Variants in NIN observed in about 807,000 individuals in gnomAD.
NIN encodes glycogen synthase kinase 3 beta-interacting protein.
In NIN, 137 loss-of-function variants were observed where a neutral mutation model predicts 257.6. That is an observed-to-expected ratio of 0.53 (90% CI 0.46 to 0.61). The LOEUF is 0.61. Ranked by LOEUF, NIN falls within the 20% of genes least tolerant of loss-of-function variation. The probability of loss-of-function intolerance (pLI) is 0.00; values close to 1 mark genes in which losing one functional copy is unlikely to be tolerated. For missense variants in NIN, 2,439 were observed against 2,501.2 expected (o/e 0.98, Z 0.53); for synonymous variants, 918 against 919.8 (o/e 1.00, Z 0.04).
chr14:50,744,520 C>G (rs2041449066), intron 22 of NIN, among the ~76,000 whole-genome samples, 155 bp from the exon 23 acceptor site: 1 of 152,224 alleles, frequency 6.6e-6, no homozygotes, highest in South Asian at 2.1e-4. Context: ...TAATAAACTT[C>G]AAGGATTCCC....
At chr14:50,759,181 T>C (rs1566815027) in intron 17 of NIN, among the ~76,000 whole-genome samples, 1 of 152,228 alleles carries the variant, frequency 6.6e-6, no homozygotes, top group Non-Finnish European at 1.5e-5. Flanking sequence ...TTCTTAACTC[T>C]GGGAGGAAAT....
intron 23 of NIN, 53 bp downstream of exon 23, chr14:50,744,190 C>T (rs2041426900): frequency 1.9e-6 from 3 of 1,593,010 alleles, no homozygotes; most frequent in South Asian, 2.2e-5. Context: ...GAGAAAGGTT[C>T]ATTATGGTGT....
intron 14 of NIN, among the ~76,000 whole-genome samples, chr14:50,765,063 T>TA (rs781699626): frequency 0.026 from 2,115 of 82,038 alleles, 68 homozygotes; most frequent in African/African-American, 0.04. Flanking sequence ...TGTCTCTACT[T>TA]AAAAAAAAAA....
At chr14:50,754,695 TTA>T (rs771703310) in intron 19 of NIN, 45 bp downstream of exon 19, 2 of 1,582,044 alleles carry the variant, frequency 1.3e-6, no homozygotes, top group Non-Finnish European at 8.6e-7. Flanking sequence ...TAAAAGAATT[TTA>T]GTCTTTGCAA....
chr14:50,770,537 G>A lies in NIN; in HGVS notation c.1285C>T (p.Arg429Ter), dbSNP rs1566829394. ...LRKLDEEYKE[R>*]IAALKNELRK... ...AGTTCATTTTTTAAGGCTGCTATTC[G>A]CTCCTTGTACTCTTCATCCAGTTTC... The change falls in exon 12 of 31, where the codon CGA (arginine) becomes TGA (stop). Residue 429 changes from arginine (R) to a stop codon, truncating the protein, a stop_gained. Transcript: ENST00000530997. LOFTEE classifies it high-confidence loss of function. 1 of 1,614,056 alleles carries A rather than the reference G, an allele frequency of 6.2e-7. No homozygotes were observed. The highest frequency in any genetic ancestry group is 1.1e-5 in the South Asian group (1 of 91,068).
At chr14:50,733,022 C>G (rs3015484) in intron 28 of NIN, among the ~76,000 whole-genome samples, 83,895 of 151,898 alleles carry the variant, frequency 0.55, 23,826 homozygotes, top group African/African-American at 0.68. Flanking sequence ...GAGCTGTGAT[C>G]ACAACACTGA....
At chr14:50,826,406 T>C (rs2045460017) in intron 2 of NIN, among the ~76,000 whole-genome samples, 2 of 152,174 alleles carry the variant, frequency 1.3e-5, no homozygotes, top group Non-Finnish European at 2.9e-5. Flanking sequence ...AATCAAAACA[T>C]TTACCACTCA....
chr14:50,759,517 G>A (rs1412868660), intron 17 of NIN, among the ~76,000 whole-genome samples: 10 of 149,710 alleles, frequency 6.7e-5, no homozygotes, highest in Non-Finnish European at 1.3e-4. Context: ...TTTTTGAGAC[G>A]GAGTCTCGCT....
intron 27 of NIN, among the ~76,000 whole-genome samples, chr14:50,737,237 A>C (rs2041024951): frequency 6.6e-6 from 1 of 152,162 alleles, no homozygotes; most frequent in Non-Finnish European, 1.5e-5. Flanking sequence ...CTACACCCTG[A>C]GAAAAGGCCC....
At chr14:50,761,414 G>A (rs964716463) in intron 16 of NIN, among the ~76,000 whole-genome samples, 3 of 152,112 alleles carry the variant, frequency 2.0e-5, no homozygotes, top group Non-Finnish European at 2.9e-5. Flanking sequence ...AGTCTGGACT[G>A]GAAACGTCAG....
chr14:50,726,205 G>A (rs942216443), intron 29 of NIN, 139 bp from the exon 30 acceptor site: 10 of 660,108 alleles, frequency 1.5e-5, no homozygotes, highest in Admixed American at 2.8e-5. Context: ...CATGAAATGA[G>A]AGTTTTGAGC....
chr14:50,825,535 C>G (rs1024849797), intron 2 of NIN, among the ~76,000 whole-genome samples: 3 of 152,210 alleles, frequency 2.0e-5, no homozygotes, highest in African/African-American at 7.2e-5. Context: ...AGTGGATCTT[C>G]TCATTTTCCC....
At chr14:50,727,569 T>G in intron 29 of NIN, 1 of 1,334,994 alleles carries the variant, frequency 7.5e-7, no homozygotes, top group Admixed American at 2.6e-5. Flanking sequence ...TAAAATAATT[T>G]AAAAGAGCAC....
chr14:50,750,627 C>CT (rs2041746957), intron 21 of NIN, among the ~76,000 whole-genome samples: 2 of 152,172 alleles, frequency 1.3e-5, no homozygotes, highest in Non-Finnish European at 1.5e-5. Flanking sequence ...TTCTGAATTA[C>CT]TTAAGAGAAT....
intron 4 of NIN, among the ~76,000 whole-genome samples, chr14:50,796,164 C>G (rs1435805994): frequency 6.6e-6 from 1 of 152,112 alleles, no homozygotes; most frequent in East Asian, 1.9e-4. Flanking sequence ...GGCATCACTA[C>G]AAAAATTAAA....
At chr14:50,767,670 A>G (rs1165387359) in intron 12 of NIN, among the ~76,000 whole-genome samples, 2 of 152,044 alleles carry the variant, frequency 1.3e-5, no homozygotes, top group Non-Finnish European at 2.9e-5. Flanking sequence ...ACAAAAAATT[A>G]GCCAGGTGTG....
Position 50,757,587 on chromosome 14 carries a change from T to G in NIN, c.3443A>C (p.Glu1148Ala). The change falls in exon 18 of 31, where the codon GAA becomes GCA. Residue 1148 changes from glutamate to alanine, a missense_variant. By Grantham distance (107) the Glu-to-Ala change is moderately radical. Transcript: ENST00000530997. Reference sequence around the variant, plus strand: ...TCCCAGGTCCCGGACCTCATCATCTTCCAGGTCACTTAGGACATGCCGCCT... The same window carrying G: ...TCCCAGGTCCCGGACCTCATCATCTGCCAGGTCACTTAGGACATGCCGCCT... The part of the protein sequence containing the change: ...VTRRHVLSDL[E>A]DDEVRDLGST... 1 of 1,614,156 alleles carries G rather than the reference T, an allele frequency of 6.2e-7. No individual in the cohort carries two copies. Among genetic ancestry groups the G allele is most frequent in the Middle Eastern group, 1.6e-4 (1 of 6,062 alleles).
At chr14:50,798,663 C>A (rs1168554188) in intron 4 of NIN, among the ~76,000 whole-genome samples, 1 of 152,218 alleles carries the variant, frequency 6.6e-6, no homozygotes, top group East Asian at 1.9e-4. Context: ...CTAATTGAAC[C>A]CTCCCCATTG....
intron 3 of NIN, among the ~76,000 whole-genome samples, chr14:50,819,935 G>C (rs1423861202): frequency 1.3e-5 from 2 of 152,150 alleles, no homozygotes; most frequent in Non-Finnish European, 2.9e-5. Context: ...GATGGCTCCA[G>C]TGAATCCTAT....
Sources: allele counts gnomAD v4.1 joint callset (sites outside exome capture counted in the v4.1 genomes callset), GRCh38; gene constraint gnomAD v4.1.1; transcripts MANE v1.5; gene names NCBI Gene and HGNC (gene_info 2026-07-23, HGNC 2026-07-21).